Variants in TIGD4 observed in about 807,000 individuals in gnomAD.
TIGD4 encodes tigger transposable element-derived protein 4.
A neutral mutation model predicts 24.9 loss-of-function variants in TIGD4; 20 were observed. That is an observed-to-expected ratio of 0.80 (90% CI 0.56 to 1.17). TIGD4 has a LOEUF of 1.17. Ranked by LOEUF, TIGD4 falls within the 50% of genes most tolerant of loss-of-function variation. TIGD4 has a pLI of 0.00. For synonymous variants in TIGD4, 193 were observed against 211.0 expected, an observed-to-expected ratio of 0.91 and a Z score of 0.74; for missense variants, 566 against 591.0, an observed-to-expected ratio of 0.96 and a Z score of 0.44.
At position 152,771,326 on chromosome 4, in the gene TIGD4, A is replaced by G. The variant is rs1300464904; in HGVS notation, c.-322T>C. 5.0e-6 allele frequency: 1 copy of G among 198,598 alleles called. No homozygotes were observed. Among genetic ancestry groups the G allele is most frequent in the African/African-American group, 2.3e-5 (1 of 42,680 alleles). 12.3% of individuals were successfully genotyped at this position (198,598 alleles called of 1,614,324 possible). On this transcript the variant is annotated 5_prime_UTR_variant, in exon 2 of 2. Coordinates refer to ENST00000304337, the MANE Select transcript of TIGD4 (RefSeq NM_145720.4). Reference sequence around the variant, plus strand: ...AAATCTCATTATATAAAACCTGTCCAGTCCTGCTGATGTATTTTTGGAACT... The same window carrying G: ...AAATCTCATTATATAAAACCTGTCCGGTCCTGCTGATGTATTTTTGGAACT...
At chr4:152,771,729 T>C (rs1253892797) in intron 1 of TIGD4, among the ~76,000 whole-genome samples, 187 bp from the exon 2 acceptor site, 1 of 152,250 alleles carries the variant, frequency 6.6e-6, no homozygotes, top group Non-Finnish European at 1.5e-5. Context: ...GCTCTCTAGT[T>C]CTGTTCTACA....
chr4:152,770,483 A>G lies in TIGD4; in HGVS notation c.522T>C (p.Tyr174=). 1.9e-6 allele frequency: 3 copies of G among 1,610,688 alleles called. No homozygotes were observed. Among genetic ancestry groups the G allele is most frequent in the Non-Finnish European group, 2.5e-6 (3 of 1,178,566 alleles). ...QNVLPYYLND[Y]HPKNVFNIKE... ...TTATATTAAAAACATTTTTAGGATG[A>G]TAATCATTTAAATAATAAGGAAGTA... The change falls in exon 2 of 2, where the codon TAT becomes TAC. Residue 174 remains tyrosine (Y), a synonymous_variant. Transcript: ENST00000304337.
rs1730143920 is a variant in TIGD4, at chr4:152,770,335, C to T, written c.670G>A (p.Gly224Ser). The T allele has an allele frequency of 5.0e-6, 8 of 1,614,094 alleles. No homozygotes were observed. The highest frequency in any genetic ancestry group is 4.2e-6 in the Non-Finnish European group (5 of 1,179,962). The change falls in exon 2 of 2, where the codon GGC becomes AGC. Residue 224 changes from glycine (G) to serine (S), a missense_variant. Gly to Ser is a moderately conservative substitution (Grantham distance 56). Transcript: ENST00000304337. ...ACAAGCAAAGGAAGTTTCTCTGAGCCATCCATGTTTGTGCCAACCACCAGA... is the reference window on the plus strand; with the variant it reads ...ACAAGCAAAGGAAGTTTCTCTGAGCTATCCATGTTTGTGCCAACCACCAGA... ...ITLVVGTNMD[G>S]SEKLPLLVIG...
Position 152,769,505 on chromosome 4 carries a change from T to G in TIGD4, c.1500A>C (p.Ala500=). The G allele has an allele frequency of 6.3e-7, 1 of 1,577,632 alleles. No homozygotes were observed. Among genetic ancestry groups the G allele is most frequent in the Non-Finnish European group, 8.6e-7 (1 of 1,164,028 alleles). ...AAGAGTTAATAAAATTTTCAAGGTCTGCTAAAGAATTTTGAAGTCCGTCAT... is the reference window on the plus strand; with the variant it reads ...AAGAGTTAATAAAATTTTCAAGGTCGGCTAAAGAATTTTGAAGTCCGTCAT... ...DMNDGLQNSL[A]DLENFINSLS... is the part of the protein sequence containing the mutation. Residue 500 remains alanine, a synonymous_variant, in exon 2 of 2, where the codon GCA becomes GCC. Transcript: ENST00000304337.
In TIGD4 at chr4:152,770,613, C is replaced by A. The variant is rs1730152639; in HGVS notation, c.392G>T (p.Gly131Val). 6.2e-7 allele frequency: 1 copy of A among 1,604,606 alleles called. No homozygotes were observed. The highest frequency in any genetic ancestry group is 1.7e-5 in the Admixed American group (1 of 58,002). The stretch of plus-strand genomic sequence containing the variant: ...CCTGGATTTAAAACGATCCAGCCAA[C>A]CATTACTGCACTTAAAATCATTATG... ...LGHNDFKCSN[G>V]WLDRFKSRYG... The change falls in exon 2 of 2, where the codon GGT becomes GTT. Residue 131 changes from glycine (G) to valine (V), a missense_variant. By Grantham distance (109) the Gly-to-Val change is moderately radical (BLOSUM62 -3). Transcript: ENST00000304337.
intron 1 of TIGD4, among the ~76,000 whole-genome samples, chr4:152,774,755 T>C (rs1730235002): frequency 6.6e-6 from 1 of 152,222 alleles, no homozygotes; most frequent in Non-Finnish European, 1.5e-5. Context: ...TTTTTGTTTT[T>C]GCCTATCAGA....
At chr4:152,776,131 TACAAC>T (rs1322210532) in intron 1 of TIGD4, among the ~76,000 whole-genome samples, 1 of 152,124 alleles carries the variant, frequency 6.6e-6, no homozygotes, top group Non-Finnish European at 1.5e-5. Flanking sequence ...TGTCAACAAA[TACAAC>T]ATACACTAAA....
At chr4:152,771,940 CA>C (rs1415300257) in intron 1 of TIGD4, among the ~76,000 whole-genome samples, 5 of 152,158 alleles carry the variant, frequency 3.3e-5, no homozygotes, top group African/African-American at 1.2e-4. Flanking sequence ...CATACTCAGA[CA>C]GTAGTCACAA....
Position 152,770,304 on chromosome 4 carries a change from C to T in TIGD4, c.701G>A (p.Gly234Glu). 1 of 1,613,472 alleles carries T rather than the reference C, an allele frequency of 6.2e-7. No individual in the cohort carries two copies. The highest frequency in any genetic ancestry group is 8.5e-7 in the Non-Finnish European group (1 of 1,179,808). The stretch of plus-strand genomic sequence containing the variant: ...GAAACAATGTGGAGTTCTCTTTTTT[C>T]CAATGACAAGCAAAGGAAGTTTCTC... Reference protein sequence around the residue: ...GSEKLPLLVIGKKRTPHCFKG... With the variant: ...GSEKLPLLVIEKKRTPHCFKG... Residue 234 changes from glycine to glutamate, a missense_variant, in exon 2 of 2, where the codon GGA becomes GAA. Physicochemically the swap from Gly to Glu is moderately conservative, Grantham distance 98. Coordinates refer to ENST00000304337, the MANE Select transcript of TIGD4 (RefSeq NM_145720.4).
chr4:152,773,693 A>G (rs553213573), intron 1 of TIGD4, among the ~76,000 whole-genome samples: 1 of 151,270 alleles, frequency 6.6e-6, no homozygotes, highest in African/African-American at 2.4e-5. Flanking sequence ...ATGGAAGAAT[A>G]GGCCATTATG....
At chr4:152,778,488 G>T (rs1274539358) in intron 1 of TIGD4, among the ~76,000 whole-genome samples, 1 of 152,144 alleles carries the variant, frequency 6.6e-6, no homozygotes, top group Non-Finnish European at 1.5e-5. Flanking sequence ...CAACAAGATG[G>T]CTTTGTACAG....
intron 1 of TIGD4, among the ~76,000 whole-genome samples, chr4:152,775,073 G>A (rs567599846): frequency 1.3e-5 from 2 of 152,122 alleles, no homozygotes; most frequent in South Asian, 2.1e-4. Context: ...GTGCCACCAC[G>A]TCTGGCTAAT....
Sources: allele counts gnomAD v4.1 joint callset (sites outside exome capture counted in the v4.1 genomes callset), GRCh38; gene constraint gnomAD v4.1.1; transcripts MANE v1.5; gene names NCBI Gene and HGNC (gene_info 2026-07-23, HGNC 2026-07-21).